The following CTNNA2 variants were observed in gnomAD, a reference collection of about 807,000 sequenced individuals.
CTNNA2 encodes the protein catenin alpha-2.
Under a neutral mutation model 101.0 loss-of-function variants are expected in CTNNA2, and 42 were observed. The observed-to-expected ratio is 0.42, with a 90% CI of 0.32 to 0.54. CTNNA2 has a LOEUF of 0.54. Ranked by LOEUF, CTNNA2 falls within the 20% of genes least tolerant of loss-of-function variation. The pLI is 0.14. For missense variants in CTNNA2, 871 were observed against 1,223.1 expected (o/e 0.71, Z 4.29); for synonymous variants, 450 against 456.4 (o/e 0.99, Z 0.18).
At chr2:80,144,747 A>G (rs534591159) in intron 7 of CTNNA2, among the ~76,000 whole-genome samples, 1 of 152,222 alleles carries the variant, frequency 6.6e-6, no homozygotes, top group African/African-American at 2.4e-5. Context: ...AATCTTCATT[A>G]ACTGCATTAG....
chr2:80,539,363 A>T (rs1691337278), intron 9 of CTNNA2, among the ~76,000 whole-genome samples: 1 of 139,922 alleles, frequency 7.1e-6, no homozygotes, highest in Admixed American at 7.3e-5. Context: ...TGCTAATGAT[A>T]TTGTTAATGT....
At position 80,566,701 on chromosome 2, in the gene CTNNA2, T is replaced by G. The variant is rs141711248; in HGVS notation, c.1742-7462T>G. ...GATCGTGGAGAAGGAAGGGCCTAGA[T>G]TCATTCAAGGTGATTGGAGAAGTGG... On this transcript the variant is annotated intron_variant, in intron 12 of 18. Coordinates refer to ENST00000402739, the MANE Select transcript of CTNNA2 (RefSeq NM_001282597.3). 2.1e-3 allele frequency among the ~76,000 whole-genome samples: 324 copies of G among 152,236 alleles called. 1 individual carries two copies. Among genetic ancestry groups the G allele is most frequent in the Middle Eastern group, 6.8e-3 (2 of 294 alleles).
chr2:79,607,788 C>T (rs1677991294), intron 1 of CTNNA2, among the ~76,000 whole-genome samples: 1 of 152,092 alleles, frequency 6.6e-6, no homozygotes, highest in Non-Finnish European at 1.5e-5. Context: ...AAGGGCAACT[C>T]AGCACCCAAC....
chr2:80,615,258 T>G (rs1698757399), intron 17 of CTNNA2, among the ~76,000 whole-genome samples: 1 of 151,574 alleles, frequency 6.6e-6, no homozygotes, highest in Non-Finnish European at 1.5e-5. Flanking sequence ...ACAATAATAT[T>G]TTTCTTAAAA....
chr2:80,106,946 C>G (rs567157913), intron 7 of CTNNA2, among the ~76,000 whole-genome samples: 65 of 152,278 alleles, frequency 4.3e-4, no homozygotes, highest in African/African-American at 1.6e-3. Context: ...TGAGCAGGTA[C>G]TGGTGTAAAA....
At chr2:79,991,691 T>C (rs1692191479) in intron 7 of CTNNA2, among the ~76,000 whole-genome samples, 1 of 152,164 alleles carries the variant, frequency 6.6e-6, no homozygotes, top group African/African-American at 2.4e-5. Context: ...AGACTAAATC[T>C]AGAATAAAGT....
intron 1 of CTNNA2, among the ~76,000 whole-genome samples, chr2:79,566,576 C>T (rs1430780608): frequency 6.6e-6 from 1 of 152,008 alleles, no homozygotes; most frequent in Non-Finnish European, 1.5e-5. Context: ...CAGCTGGTTT[C>T]TTTCATTTTA....
chr2:80,569,718 C>G (rs1390130257), intron 12 of CTNNA2, among the ~76,000 whole-genome samples: 2 of 140,676 alleles, frequency 1.4e-5, no homozygotes, highest in East Asian at 4.5e-4. Context: ...CCTCGGCTCA[C>G]TGCAAGCTCT....
At chr2:80,490,151 A>G (rs964535044) in intron 9 of CTNNA2, among the ~76,000 whole-genome samples, 2 of 152,180 alleles carry the variant, frequency 1.3e-5, no homozygotes, top group African/African-American at 2.4e-5. Flanking sequence ...TAGAATGTCA[A>G]TTACAAATCA....
chr2:79,988,077 C>T (rs1227941934), intron 7 of CTNNA2, among the ~76,000 whole-genome samples: 1 of 152,186 alleles, frequency 6.6e-6, no homozygotes, highest in Non-Finnish European at 1.5e-5. Context: ...TGTTTAGTAG[C>T]TTCTGCCTGT....
At chr2:80,083,531 T>A (rs1453997987) in intron 7 of CTNNA2, among the ~76,000 whole-genome samples, 1 of 152,090 alleles carries the variant, frequency 6.6e-6, no homozygotes, top group African/African-American at 2.4e-5. Context: ...AAATTGAACA[T>A]ATTGGCTTAA....
chr2:79,890,615 C>A (rs1015680958), intron 6 of CTNNA2, among the ~76,000 whole-genome samples: 1 of 151,766 alleles, frequency 6.6e-6, no homozygotes, highest in African/African-American at 2.4e-5. Flanking sequence ...CACTGGTGAT[C>A]GTCTGGATAT....
At chr2:80,340,279 C>T (rs1390873536) in intron 7 of CTNNA2, among the ~76,000 whole-genome samples, 1 of 152,126 alleles carries the variant, frequency 6.6e-6, no homozygotes, top group Non-Finnish European at 1.5e-5. Flanking sequence ...GGAGGAACTG[C>T]CTTGAGCTTG....
intron 3 of CTNNA2, among the ~76,000 whole-genome samples, chr2:79,344,598 T>A (rs1274244516): frequency 6.6e-6 from 1 of 152,010 alleles, no homozygotes; most frequent in Non-Finnish European, 1.5e-5. Context: ...AATACTTCTA[T>A]TCTGAATCTT....
At chr2:79,392,687 C>G (rs1678187647) in intron 4 of CTNNA2, among the ~76,000 whole-genome samples, 2 of 152,110 alleles carry the variant, frequency 1.3e-5, no homozygotes, top group Admixed American at 1.3e-4. Context: ...ATTTTTTTGA[C>G]TCTACTCAAC....
chr2:79,751,466 C>T (rs1361503293), intron 3 of CTNNA2, among the ~76,000 whole-genome samples: 6 of 151,654 alleles, frequency 4.0e-5, no homozygotes, highest in Admixed American at 3.3e-4. Flanking sequence ...TGTGGTGGCT[C>T]ATGCCTGTAG....
chr2:79,843,884 TA>T (rs991758064), intron 3 of CTNNA2, among the ~76,000 whole-genome samples: 23 of 151,354 alleles, frequency 1.5e-4, no homozygotes, highest in African/African-American at 4.1e-4. Flanking sequence ...AGTGTTTGCT[TA>T]AAAAAAAATC....
At chr2:79,644,051 G>GTTTTT (rs1373974036) in intron 1 of CTNNA2, among the ~76,000 whole-genome samples, 2 of 151,874 alleles carry the variant, frequency 1.3e-5, no homozygotes, top group East Asian at 3.9e-4. Context: ...GTTTTGTTTT[G>GTTTTT]TTTTGAGATG....
intron 9 of CTNNA2, among the ~76,000 whole-genome samples, chr2:80,538,223 T>A (rs375998904): frequency 2.0e-5 from 3 of 152,216 alleles, no homozygotes; most frequent in South Asian, 4.1e-4. Flanking sequence ...GCTCTTTAGT[T>A]TGATTAGATC....
Sources: gnomAD v4.1 joint callset for allele counts (sites outside exome capture counted in the v4.1 genomes callset) on GRCh38, gnomAD v4.1.1 for gene constraint, MANE v1.5 for transcripts, NCBI Gene and HGNC (gene_info 2026-07-23, HGNC 2026-07-21) for gene names.